The following PCNX2 variants were observed in gnomAD, a reference collection of about 807,000 sequenced individuals.
The protein encoded by PCNX2 is pecanex-like protein 2.
In PCNX2, 168 loss-of-function variants were observed where a neutral mutation model predicts 223.8. The observed-to-expected ratio is 0.75, with a 90% CI of 0.66 to 0.85. PCNX2 has a LOEUF of 0.85. Among genes scored for constraint, PCNX2 ranks in the 40% least tolerant of loss-of-function variants. The pLI is 0.00. For synonymous variants in PCNX2, 1,006 were observed against 1,052.6 expected (o/e 0.96, Z 0.86); for missense variants, 2,507 against 2,675.5 (o/e 0.94, Z 1.39).
At chr1:233,195,978 AAAG>A (rs1283738137) in intron 15 of PCNX2, among the ~76,000 whole-genome samples, 3 of 152,204 alleles carry the variant, frequency 2.0e-5, no homozygotes, top group African/African-American at 4.8e-5. Context: ...CAATTTTGAA[AAAG>A]AAGAATAAAA....
chr1:233,039,795 C>G (rs1671580352), intron 25 of PCNX2, among the ~76,000 whole-genome samples: 1 of 152,162 alleles, frequency 6.6e-6, no homozygotes, highest in South Asian at 2.1e-4. Context: ...GATTGCCAAC[C>G]ATGTGGTCAC....
rs1304070120 is a variant in PCNX2 at position 233,066,669 on chromosome 1, T to C, written c.4077-9379A>G. On this transcript the variant is annotated intron_variant, in intron 23 of 33. Transcript: ENST00000258229. ...ACCCAGGATATGGGATCCAGGCCAG[T>C]AGCGCAAACCAAGCACGGCCTGCTG... is the stretch of plus-strand genomic sequence containing the variant. Among the ~76,000 whole-genome samples, 3 of 152,190 alleles carry C rather than the reference T, an allele frequency of 2.0e-5. No individual in the cohort carries two copies. In the East Asian group the frequency reaches 5.8e-4, roughly 29 times the overall value.
intron 26 of PCNX2, among the ~76,000 whole-genome samples, chr1:233,021,210 A>G (rs1670877412): frequency 6.6e-6 from 1 of 152,154 alleles, no homozygotes; most frequent in Non-Finnish European, 1.5e-5. Flanking sequence ...CTCGCAGGAT[A>G]GGCCTGGCAG....
intron 3 of PCNX2, among the ~76,000 whole-genome samples, chr1:233,261,757 CAAAGGCCTACAT>C (rs1231405529): frequency 6.6e-6 from 1 of 152,198 alleles, no homozygotes; most frequent in Non-Finnish European, 1.5e-5. Context: ...CAGAAAGAAG[CAAAGGCCTACAT>C]ATTGGTTCTC....
intron 1 of PCNX2, among the ~76,000 whole-genome samples, chr1:233,294,765 A>G (rs967240680): frequency 6.6e-6 from 1 of 152,234 alleles, no homozygotes; most frequent in Non-Finnish European, 1.5e-5. Context: ...TGTTTAGCAT[A>G]AAGTACATTA....
chr1:233,275,005 G>A (rs192848992), intron 1 of PCNX2, among the ~76,000 whole-genome samples: 89 of 152,286 alleles, frequency 5.8e-4, no homozygotes, highest in Non-Finnish European at 1.1e-3. Context: ...TTGTTGCAGC[G>A]TTTGATGAAA....
At chr1:233,025,851 C>T (rs751298262) in intron 25 of PCNX2, among the ~76,000 whole-genome samples, 1 of 152,146 alleles carries the variant, frequency 6.6e-6, no homozygotes, top group Admixed American at 6.6e-5. Flanking sequence ...TTAGTCACCA[C>T]GCAAAAATGG....
chr1:233,296,078 C>A (rs887389292), upstream of PCNX2, among the ~76,000 whole-genome samples: 1 of 146,246 alleles, frequency 6.8e-6, no homozygotes, highest in African/African-American at 2.5e-5. Flanking sequence ...CAAGGGTGTT[C>A]TCATGCAGAA....
At chr1:233,099,236 C>T (rs1308134407) in intron 21 of PCNX2, among the ~76,000 whole-genome samples, 1 of 152,228 alleles carries the variant, frequency 6.6e-6, no homozygotes, top group Non-Finnish European at 1.5e-5. Flanking sequence ...AAGAACCTGC[C>T]TGACATGCAG....
intron 25 of PCNX2, among the ~76,000 whole-genome samples, chr1:233,031,340 C>T (rs1400015302): frequency 1.3e-5 from 2 of 152,172 alleles, no homozygotes; most frequent in African/African-American, 4.8e-5. Context: ...TTTCTGGGAT[C>T]TCATATCATT....
chr1:233,153,581 GA>G (rs1677947119), intron 19 of PCNX2, among the ~76,000 whole-genome samples: 2 of 152,298 alleles, frequency 1.3e-5, no homozygotes, highest in South Asian at 4.1e-4. Flanking sequence ...GGAGGAAAGT[GA>G]AAATGCTAAT....
intron 10 of PCNX2, among the ~76,000 whole-genome samples, chr1:233,222,826 G>C (rs553030196): frequency 6.6e-6 from 1 of 152,310 alleles, no homozygotes; most frequent in Admixed American, 6.5e-5. Flanking sequence ...AGTGGAGCAG[G>C]CTTGGGTGAG....
intron 23 of PCNX2, 143 bp from the exon 24 acceptor site, chr1:233,057,433 C>T: frequency 3.0e-6 from 2 of 662,508 alleles, no homozygotes; most frequent in Non-Finnish European, 5.4e-6. Context: ...TTTTACCACA[C>T]TGCAGGAAGA....
intron 15 of PCNX2, among the ~76,000 whole-genome samples, chr1:233,184,195 G>C (rs561598781): frequency 4.1e-4 from 62 of 152,296 alleles, no homozygotes; most frequent in African/African-American, 1.5e-3. Context: ...TGAGAAATGA[G>C]TAACTAAGAC....
chr1:233,271,194 C>T (rs1042775311), intron 1 of PCNX2, among the ~76,000 whole-genome samples: 2 of 152,078 alleles, frequency 1.3e-5, no homozygotes, highest in Non-Finnish European at 2.9e-5. Context: ...TAAATTTGTA[C>T]TGAGGTTGTG....
At chr1:233,214,332 GA>G (rs1681996427) in intron 12 of PCNX2, among the ~76,000 whole-genome samples, 1 of 151,790 alleles carries the variant, frequency 6.6e-6, no homozygotes, top group Non-Finnish European at 1.5e-5. Context: ...ATGATTGAGA[GA>G]AGTAAGTTTC....
chr1:233,037,329 T>A (rs1009076411), intron 25 of PCNX2, among the ~76,000 whole-genome samples: 1 of 152,094 alleles, frequency 6.6e-6, no homozygotes, highest in Non-Finnish European at 1.5e-5. Flanking sequence ...GTGTCTTTTT[T>A]ATTTTATTTT....
intron 20 of PCNX2, 49 bp from the exon 21 acceptor site, chr1:233,135,239 C>T: frequency 2.6e-6 from 4 of 1,517,634 alleles, no homozygotes; most frequent in Non-Finnish European, 3.6e-6. Flanking sequence ...GTGCACACTG[C>T]TGGATGAGTT....
At chr1:233,101,035 G>A (rs1164901918) in intron 21 of PCNX2, among the ~76,000 whole-genome samples, 2 of 152,336 alleles carry the variant, frequency 1.3e-5, no homozygotes, top group African/African-American at 2.4e-5. Context: ...AGTTCAAAGT[G>A]AGAGAACAGG....
Sources: allele counts gnomAD v4.1 joint callset (sites outside exome capture counted in the v4.1 genomes callset), GRCh38; gene constraint gnomAD v4.1.1; transcripts MANE v1.5; gene names NCBI Gene and HGNC (gene_info 2026-07-23, HGNC 2026-07-21).